AUTS2: variants seen among roughly 807,000 people sequenced by gnomAD.
AUTS2 encodes autism susceptibility gene 2 protein.
Under a neutral mutation model 112.4 loss-of-function variants are expected in AUTS2, and 17 were observed. That is an observed-to-expected ratio of 0.15 (90% CI 0.10 to 0.23). The LOEUF is 0.23. AUTS2 is among the 10% of genes least tolerant of loss of function. AUTS2 has a pLI of 1.00. For synonymous variants in AUTS2, 751 were observed against 702.7 expected, an observed-to-expected ratio of 1.07 and a Z score of -1.09; for missense variants, 1,510 against 1,701.6, an observed-to-expected ratio of 0.89 and a Z score of 1.98.
At chr7:70,591,695 GC>G (rs1802957222) in intron 5 of AUTS2, among the ~76,000 whole-genome samples, 1 of 152,148 alleles carries the variant, frequency 6.6e-6, no homozygotes, top group African/African-American at 2.4e-5. Context: ...CACCCCGCCT[GC>G]CCCGACTCTC....
intron 5 of AUTS2, among the ~76,000 whole-genome samples, chr7:70,581,519 AC>A (rs1349443333): frequency 9.2e-5 from 14 of 152,212 alleles, no homozygotes; most frequent in African/African-American, 3.4e-4. Context: ...CTGCATTCCA[AC>A]CTGAGCAACC....
At chr7:69,941,251 T>C (rs1025890592) in intron 2 of AUTS2, among the ~76,000 whole-genome samples, 26 of 152,222 alleles carry the variant, frequency 1.7e-4, no homozygotes, top group Admixed American at 1.4e-3. Context: ...TCTGACAGCG[T>C]CAGCAGCACT....
intron 6 of AUTS2, among the ~76,000 whole-genome samples, chr7:70,701,695 C>T (rs896089443): frequency 6.6e-6 from 1 of 152,070 alleles, no homozygotes; most frequent in Non-Finnish European, 1.5e-5. Context: ...CTGAGCATTT[C>T]GAAAGGGGTG....
At chr7:70,221,059 C>T (rs1024752700) in intron 4 of AUTS2, among the ~76,000 whole-genome samples, 1 of 152,128 alleles carries the variant, frequency 6.6e-6, no homozygotes, top group East Asian at 1.9e-4. Context: ...TGTTTCACCA[C>T]CATGTTTGGC....
rs185729889 is a variant in AUTS2 at position 69,917,704 on chromosome 7, T to C, written c.522+18206T>C. On this transcript the variant is annotated intron_variant, in intron 2 of 18. Coordinates refer to ENST00000342771, the MANE Select transcript of AUTS2 (RefSeq NM_015570.4). Reference sequence around the variant, plus strand: ...GTCTCCAGTGTCTGTTATACTACTCTGTATGCCTTTGCATACCCATAGCTT... The same window carrying C: ...GTCTCCAGTGTCTGTTATACTACTCCGTATGCCTTTGCATACCCATAGCTT... Among the ~76,000 whole-genome samples the C allele has an allele frequency of 1.2e-3, 176 of 152,324 alleles. 2 individuals carry two copies. Among genetic ancestry groups the C allele is most frequent in the East Asian group, 9.6e-4 (5 of 5,190 alleles).
chr7:69,818,098 A>T (rs1273921955), intron 1 of AUTS2, among the ~76,000 whole-genome samples: 2 of 152,136 alleles, frequency 1.3e-5, no homozygotes, highest in Non-Finnish European at 2.9e-5. Context: ...AAAGAGAAGA[A>T]AAGAAAACCC....
intron 2 of AUTS2, among the ~76,000 whole-genome samples, chr7:70,018,757 A>C (rs1288998225): frequency 1.3e-5 from 2 of 152,234 alleles, no homozygotes; most frequent in East Asian, 3.8e-4. Flanking sequence ...CTTTACAAAA[A>C]ATAACAGATG....
intron 5 of AUTS2, among the ~76,000 whole-genome samples, chr7:70,505,340 G>A (rs752366533): frequency 6.6e-6 from 1 of 152,196 alleles, no homozygotes; most frequent in Non-Finnish European, 1.5e-5. Flanking sequence ...AGTTCTCCCA[G>A]AGTGGAGATA....
chr7:70,212,454 A>G lies in AUTS2; in HGVS notation c.660+77883A>G, dbSNP rs573594395. The stretch of plus-strand genomic sequence containing the variant: ...TTCCTGAATTGATTTGCATACTTCT[A>G]CGTTACCTAGCTCAGACAACATATG... On this transcript the variant is annotated intron_variant, in intron 4 of 18. Coordinates refer to ENST00000342771, the MANE Select transcript of AUTS2 (RefSeq NM_015570.4). Among the ~76,000 whole-genome samples, 13 of 152,320 alleles carry G rather than the reference A, an allele frequency of 8.5e-5. No homozygotes were observed. The East Asian group carries it at 2.1e-3, about 25-fold the overall frequency.
At chr7:70,134,644 G>A in intron 4 of AUTS2, 73 bp downstream of exon 4, 1 of 1,365,328 alleles carries the variant, frequency 7.3e-7, no homozygotes. Flanking sequence ...ATGCTCATTG[G>A]GATATGAAAA....
chr7:70,617,656 C>T (rs1490110141), intron 5 of AUTS2, among the ~76,000 whole-genome samples: 1 of 124,712 alleles, frequency 8.0e-6, no homozygotes, highest in Non-Finnish European at 1.7e-5. Context: ...GAGCGAGACA[C>T]TGTCTCAGAG....
At chr7:69,800,703 T>A (rs762342935) in intron 1 of AUTS2, among the ~76,000 whole-genome samples, 21 of 152,180 alleles carry the variant, frequency 1.4e-4, no homozygotes, top group Non-Finnish European at 4.4e-5. Context: ...CTTGGAGGCA[T>A]AGAAGCTCTT....
intron 1 of AUTS2, among the ~76,000 whole-genome samples, chr7:69,687,938 T>C (rs948279468): frequency 2.2e-4 from 34 of 152,212 alleles, no homozygotes; most frequent in Admixed American, 9.2e-4. Flanking sequence ...GGACTATTTA[T>C]GTGTCAAATT....
At chr7:70,150,811 C>G (rs1455776291) in intron 4 of AUTS2, among the ~76,000 whole-genome samples, 1 of 152,054 alleles carries the variant, frequency 6.6e-6, no homozygotes, top group Non-Finnish European at 1.5e-5. Flanking sequence ...TAATAGGAAT[C>G]TAAAGAAAAA....
intron 4 of AUTS2, among the ~76,000 whole-genome samples, chr7:70,165,766 A>T (rs933900847): frequency 6.6e-6 from 1 of 152,224 alleles, no homozygotes; most frequent in Non-Finnish European, 1.5e-5. Flanking sequence ...AAATATGAAT[A>T]AACAGACAAG....
At chr7:69,902,480 T>C (rs944369060) in intron 2 of AUTS2, among the ~76,000 whole-genome samples, 13 of 152,152 alleles carry the variant, frequency 8.5e-5, no homozygotes, top group Non-Finnish European at 1.5e-4. Context: ...ACAGATGAAA[T>C]AGGGAAGAGG....
At chr7:70,415,490 C>T (rs1036707255) in intron 4 of AUTS2, among the ~76,000 whole-genome samples, 1 of 152,134 alleles carries the variant, frequency 6.6e-6, no homozygotes, top group Non-Finnish European at 1.5e-5. Flanking sequence ...ACTAGACCAT[C>T]TGAAGTCATT....
intron 3 of AUTS2, among the ~76,000 whole-genome samples, chr7:70,128,375 C>T (rs1296319513): frequency 6.6e-6 from 1 of 152,128 alleles, no homozygotes; most frequent in African/African-American, 2.4e-5. Flanking sequence ...GAAATAGCTA[C>T]AATTTTTTCT....
At chr7:70,585,666 C>T (rs1479341132) in intron 5 of AUTS2, among the ~76,000 whole-genome samples, 2 of 152,128 alleles carry the variant, frequency 1.3e-5, no homozygotes, top group Non-Finnish European at 2.9e-5. Context: ...GATATCTTCA[C>T]TCTTAAAAGT....
Sources: allele counts gnomAD v4.1 joint callset (sites outside exome capture counted in the v4.1 genomes callset), GRCh38; gene constraint gnomAD v4.1.1; transcripts MANE v1.5; gene names NCBI Gene and HGNC (gene_info 2026-07-23, HGNC 2026-07-21).